Variants in HACD2 observed in about 807,000 individuals in gnomAD.
HACD2 encodes very-long-chain (3R)-3-hydroxyacyl-CoA dehydratase 2.
A neutral mutation model predicts 31.0 loss-of-function variants in HACD2; 15 were observed. That is an observed-to-expected ratio of 0.48 (90% CI 0.32 to 0.75). The LOEUF (loss-of-function observed/expected upper bound fraction) is 0.75, where lower values mean the gene tolerates loss of function less well. HACD2 is among the 30% of genes least tolerant of loss of function. HACD2 has a pLI of 0.03. For synonymous variants in HACD2, 115 were observed against 122.2 expected (o/e 0.94, Z 0.39); for missense variants, 283 against 313.0 (o/e 0.90, Z 0.72).
In HACD2 at chr3:123,563,171, G is replaced by A. The variant is rs143626211; in HGVS notation, c.292+4591C>T. 5.3e-5 allele frequency among the ~76,000 whole-genome samples: 8 copies of A among 152,296 alleles called. No individual in the cohort carries two copies. The East Asian group carries it at 7.7e-4, about 15-fold the overall frequency. ...GTGGTACTGGTGGGGACATGGGTGC[G>A]GTGTCAGACCACACACATAATACAT... On this transcript the variant is annotated intron_variant, in intron 3 of 6. Transcript: ENST00000383657.
At chr3:123,564,308 A>G (rs891648378) in intron 3 of HACD2, among the ~76,000 whole-genome samples, 1 of 152,200 alleles carries the variant, frequency 6.6e-6, no homozygotes, top group Non-Finnish European at 1.5e-5. Flanking sequence ...ATGAGAAGAG[A>G]TCACCCACAG....
intron 2 of HACD2, 149 bp downstream of exon 2, chr3:123,582,063 C>T: frequency 2.3e-6 from 1 of 430,302 alleles, no homozygotes; most frequent in Non-Finnish European, 4.2e-6. Context: ...CATCAAAAAG[C>T]CTAGGTATCA....
At position 123,494,702 on chromosome 3, in the gene HACD2, T is replaced by C. The variant is rs139612184; in HGVS notation, c.*186A>G. ...AATGAACTGGCCAGGGTGTTTTATG[T>C]AACAACCTTTTTCTAAAATAAAATC... On this transcript the variant is annotated 3_prime_UTR_variant, in exon 7 of 7. Transcript: ENST00000383657. The C allele has an allele frequency of 1.3e-3, 805 of 617,292 alleles. 8 individuals carry two copies. The highest frequency in any genetic ancestry group is 0.012 in the African/African-American group (632 of 53,770). The allele number at this position is 617,292 out of a possible 1,614,324, so 38.2% of individuals were successfully genotyped here.
At chr3:123,530,522 C>T (rs1019792253) in intron 3 of HACD2, among the ~76,000 whole-genome samples, 3 of 151,848 alleles carry the variant, frequency 2.0e-5, no homozygotes, top group Non-Finnish European at 4.4e-5. Flanking sequence ...GGTTCTCCTG[C>T]CTCCGCCTCC....
At position 123,560,555 on chromosome 3, in the gene HACD2, A is replaced by G. The variant is rs1001514963; in HGVS notation, c.292+7207T>C. 5.9e-5 allele frequency among the ~76,000 whole-genome samples: 9 copies of G among 152,214 alleles called. No individual in the cohort carries two copies. The East Asian group carries it at 1.7e-3, about 29-fold the overall frequency. ...CCATCCCCCTGCCATCACCACCACT[A>G]AACATGCTCCCAGGCAGAAAGCAAT... On this transcript the variant is annotated intron_variant, in intron 3 of 6. Coordinates refer to ENST00000383657, the MANE Select transcript of HACD2 (RefSeq NM_198402.5).
intron 2 of HACD2, among the ~76,000 whole-genome samples, chr3:123,575,577 A>C (rs948371686): frequency 4.6e-5 from 7 of 152,206 alleles, no homozygotes; most frequent in African/African-American, 1.7e-4. Context: ...TATTTATATA[A>C]CAGTTACTCT....
In HACD2 at chr3:123,564,502, C is replaced by T. The variant is rs576252955; in HGVS notation, c.292+3260G>A. 4.6e-5 allele frequency among the ~76,000 whole-genome samples: 7 copies of T among 152,254 alleles called. No individual in the cohort carries two copies. The South Asian group carries it at 6.2e-4, about 14-fold the overall frequency. On this transcript the variant is annotated intron_variant, in intron 3 of 6. Coordinates refer to ENST00000383657, the MANE Select transcript of HACD2 (RefSeq NM_198402.5). ...AGGATCTCCAGGAGGGAGTCATCAG[C>T]GGTGCCCCATGTAGCTAAGTCCAGG...
intron 4 of HACD2, among the ~76,000 whole-genome samples, chr3:123,523,026 A>C (rs748917068): frequency 2.0e-5 from 3 of 152,184 alleles, no homozygotes; most frequent in Non-Finnish European, 2.9e-5. Flanking sequence ...CGGATGGCGC[A>C]TGCTGGGAAG....
intron 2 of HACD2, among the ~76,000 whole-genome samples, chr3:123,580,792 A>G (rs1171984300): frequency 8.7e-6 from 1 of 115,010 alleles, no homozygotes; most frequent in African/African-American, 4.4e-5. Context: ...CTGTCTCAAG[A>G]AAAAAAAAAA....
chr3:123,506,873 G>C (rs2055982213), intron 4 of HACD2, among the ~76,000 whole-genome samples: 1 of 152,110 alleles, frequency 6.6e-6, no homozygotes, highest in South Asian at 2.1e-4. Context: ...GTTTTTTGAG[G>C]GGCAACGGAT....
intron 4 of HACD2, among the ~76,000 whole-genome samples, chr3:123,511,594 T>G (rs993862435): frequency 6.6e-6 from 1 of 152,038 alleles, no homozygotes; most frequent in Non-Finnish European, 1.5e-5. Flanking sequence ...CAAGAAAGAC[T>G]GAGTAAAGCA....
intron 4 of HACD2, among the ~76,000 whole-genome samples, chr3:123,512,399 T>C (rs2056074621): frequency 6.6e-6 from 1 of 152,096 alleles, no homozygotes; most frequent in Admixed American, 6.5e-5. Flanking sequence ...AAATATGTCA[T>C]TAGATAAGAT....
intron 3 of HACD2, among the ~76,000 whole-genome samples, chr3:123,565,097 A>C (rs1017069508): frequency 1.3e-5 from 2 of 152,152 alleles, no homozygotes; most frequent in Admixed American, 6.5e-5. Flanking sequence ...CCCACTGCCC[A>C]ACAGCACCTG....
At chr3:123,570,590 T>A (rs1220121724) in intron 2 of HACD2, among the ~76,000 whole-genome samples, 1 of 152,226 alleles carries the variant, frequency 6.6e-6, no homozygotes, top group Non-Finnish European at 1.5e-5. Context: ...ATCAGCTAGG[T>A]CTTATTTATT....
chr3:123,577,645 G>C (rs1270842360), intron 2 of HACD2, among the ~76,000 whole-genome samples: 3 of 150,280 alleles, frequency 2.0e-5, no homozygotes, highest in African/African-American at 7.4e-5. Context: ...AAAAGAAAGT[G>C]TCTTTGCTAT....
At chr3:123,507,266 A>G in intron 4 of HACD2, among the ~76,000 whole-genome samples, 1 of 152,196 alleles carries the variant, frequency 6.6e-6, no homozygotes, top group Non-Finnish European at 1.5e-5. Context: ...AAAAGAAGAA[A>G]AAAGGAGGTT....
intron 4 of HACD2, among the ~76,000 whole-genome samples, chr3:123,519,013 A>G (rs929535283): frequency 6.6e-6 from 1 of 151,160 alleles, no homozygotes; most frequent in Admixed American, 6.6e-5. Flanking sequence ...AAAAAAAAAA[A>G]AAAAAAAGCA....
At chr3:123,496,126 C>T (rs2107676071) in intron 6 of HACD2, among the ~76,000 whole-genome samples, 1 of 152,266 alleles carries the variant, frequency 6.6e-6, no homozygotes, top group Admixed American at 6.5e-5. Context: ...TGGGCTCAGT[C>T]AATCCTCCCC....
chr3:123,516,233 ATTTT>A (rs138783399), intron 4 of HACD2, among the ~76,000 whole-genome samples: 26 of 125,778 alleles, frequency 2.1e-4, no homozygotes, highest in Non-Finnish European at 1.9e-4. Flanking sequence ...TGTGCAACAT[ATTTT>A]TTTTTTTTTT....
Sources: gnomAD v4.1 joint callset for allele counts (sites outside exome capture counted in the v4.1 genomes callset) on GRCh38, gnomAD v4.1.1 for gene constraint, MANE v1.5 for transcripts, NCBI Gene and HGNC (gene_info 2026-07-23, HGNC 2026-07-21) for gene names.